The following DOCK4 variants were observed in gnomAD, a reference collection of about 807,000 sequenced individuals.
The protein encoded by DOCK4 is dedicator of cytokinesis protein 4.
In DOCK4, 97 loss-of-function variants were observed where a neutral mutation model predicts 268.1. The ratio of observed to expected loss-of-function variants is 0.36; its 90% CI spans 0.31 to 0.43. The LOEUF is 0.43. Ranked by LOEUF, DOCK4 falls within the 20% of genes least tolerant of loss-of-function variation. The probability of loss-of-function intolerance (pLI) is 1.00; values close to 1 mark genes in which losing one functional copy is unlikely to be tolerated. For missense variants in DOCK4, 2,145 were observed against 2,455.7 expected (o/e 0.87, Z 2.67); for synonymous variants, 954 against 887.2 (o/e 1.08, Z -1.34).
intron 52 of DOCK4, 99 bp from the exon 53 acceptor site, chr7:111,728,819 G>T: frequency 2.4e-6 from 3 of 1,226,144 alleles, no homozygotes; most frequent in Non-Finnish European, 3.3e-6. Flanking sequence ...CCGGCCCCCA[G>T]CACCCCCAAA....
intron 1 of DOCK4, among the ~76,000 whole-genome samples, chr7:112,048,522 C>T (rs1051009430): frequency 4.0e-5 from 6 of 150,630 alleles, no homozygotes; most frequent in South Asian, 2.1e-4. Flanking sequence ...AAGATCAAGC[C>T]ATTGCACTCC....
At chr7:112,060,069 T>C (rs369595997) in intron 1 of DOCK4, among the ~76,000 whole-genome samples, 5 of 152,226 alleles carry the variant, frequency 3.3e-5, no homozygotes, top group African/African-American at 4.8e-5. Context: ...ACCAAGTTCA[T>C]AGGACACACT....
intron 30 of DOCK4, among the ~76,000 whole-genome samples, chr7:111,793,190 T>C (rs1799669549): frequency 6.6e-6 from 1 of 152,188 alleles, no homozygotes; most frequent in Admixed American, 6.5e-5. Context: ...CACGGAAGGG[T>C]ACCTGTTACT....
In DOCK4 at chr7:111,987,124, A is replaced by C. The variant is rs532467688; in HGVS notation, c.464+1891T>G. ...AACGGAATCATAGCTCAGAAAATTCATGAAGTTGAAGATGATCTAAATAAA... is the reference window on the plus strand; with the variant it reads ...AACGGAATCATAGCTCAGAAAATTCCTGAAGTTGAAGATGATCTAAATAAA... On this transcript the variant is annotated intron_variant, in intron 6 of 52. Transcript: ENST00000428084. Among the ~76,000 whole-genome samples, 16 of 152,370 alleles carry C rather than the reference A, an allele frequency of 1.1e-4. No homozygotes were observed. In the South Asian group the frequency reaches 3.3e-3, roughly 32 times the overall value.
At chr7:111,926,803 C>A (rs1228685871) in intron 12 of DOCK4, among the ~76,000 whole-genome samples, 1 of 148,214 alleles carries the variant, frequency 6.7e-6, no homozygotes, top group Non-Finnish European at 1.5e-5. Context: ...CACTGCACTC[C>A]AGCCTGGCGA....
chr7:111,896,928 T>C (rs890438904), intron 15 of DOCK4, among the ~76,000 whole-genome samples: 2 of 152,154 alleles, frequency 1.3e-5, no homozygotes, highest in African/African-American at 4.8e-5. Context: ...ATAATTCATG[T>C]TTTTTAAAAA....
chr7:111,836,202 CTTT>C (rs531222718), intron 25 of DOCK4, among the ~76,000 whole-genome samples: 1 of 138,628 alleles, frequency 7.2e-6, no homozygotes. Context: ...ATAATAGAGC[CTTT>C]TTTTTTTTTT....
At chr7:111,746,814 CTTTTTTTTT>C (rs59197701) in intron 43 of DOCK4, among the ~76,000 whole-genome samples, 8 of 110,912 alleles carry the variant, frequency 7.2e-5, no homozygotes, top group African/African-American at 1.1e-4. Flanking sequence ...TCGGTCTTAT[CTTTTTTTTT>C]TTTTTTTTTT....
chr7:112,013,438 A>G (rs986985447), intron 1 of DOCK4, among the ~76,000 whole-genome samples: 1 of 152,222 alleles, frequency 6.6e-6, no homozygotes, highest in African/African-American at 2.4e-5. Flanking sequence ...GAGCCAGTGA[A>G]CAGTTCAACG....
chr7:112,118,880 A>G (rs1812434689), intron 1 of DOCK4, among the ~76,000 whole-genome samples: 1 of 152,120 alleles, frequency 6.6e-6, no homozygotes, highest in Non-Finnish European at 1.5e-5. Flanking sequence ...AACCACCCAG[A>G]AGACTCAAAA....
intron 36 of DOCK4, among the ~76,000 whole-genome samples, chr7:111,773,488 T>C (rs991745789): frequency 6.6e-6 from 1 of 152,236 alleles, no homozygotes; most frequent in Non-Finnish European, 1.5e-5. Context: ...GTTATATATC[T>C]GGAGTAGCTT....
At chr7:111,751,294 A>G (rs886389414) in intron 42 of DOCK4, among the ~76,000 whole-genome samples, 1 of 152,234 alleles carries the variant, frequency 6.6e-6, no homozygotes, top group Admixed American at 6.5e-5. Flanking sequence ...ACATTTCAGG[A>G]TAAACAGTCT....
At chr7:112,194,878 G>T (rs887827005) in intron 1 of DOCK4, among the ~76,000 whole-genome samples, 1 of 151,968 alleles carries the variant, frequency 6.6e-6, no homozygotes, top group Non-Finnish European at 1.5e-5. Context: ...CCTAACCTGG[G>T]GCAAAGAACA....
intron 30 of DOCK4, chr7:111,808,271 A>T (rs1237057745): frequency 6.6e-6 from 1 of 152,480 alleles, no homozygotes; most frequent in African/African-American, 2.4e-5. Context: ...GATCTGTACC[A>T]TCAATTTTCT....
chr7:111,977,689 A>C (rs1428378872), intron 7 of DOCK4, among the ~76,000 whole-genome samples: 1 of 152,222 alleles, frequency 6.6e-6, no homozygotes, highest in Admixed American at 6.5e-5. Flanking sequence ...GATGAGAACA[A>C]ATTATTAGTC....
chr7:111,840,079 T>C (rs947577473), intron 25 of DOCK4, among the ~76,000 whole-genome samples: 1 of 152,208 alleles, frequency 6.6e-6, no homozygotes, highest in African/African-American at 2.4e-5. Context: ...ATAAATCACC[T>C]TGAAAACTCT....
chr7:112,099,073 T>G (rs1014921394), intron 1 of DOCK4, among the ~76,000 whole-genome samples: 1 of 151,994 alleles, frequency 6.6e-6, no homozygotes, highest in Admixed American at 6.6e-5. Flanking sequence ...GCGGATGGCT[T>G]GAGCCCAGGA....
At chr7:112,042,041 C>T (rs1804417507) in intron 1 of DOCK4, among the ~76,000 whole-genome samples, 2 of 152,124 alleles carry the variant, frequency 1.3e-5, no homozygotes. Flanking sequence ...AAGAGGACTG[C>T]TGGAGGCAAG....
intron 20 of DOCK4, 136 bp from the exon 21 acceptor site, chr7:111,869,791 G>A (rs1485094524): frequency 1.5e-6 from 1 of 688,336 alleles, no homozygotes; most frequent in African/African-American, 1.8e-5. Flanking sequence ...TCAATCTGCT[G>A]TATAATAATT....
Sources: allele counts gnomAD v4.1 joint callset (sites outside exome capture counted in the v4.1 genomes callset), GRCh38; gene constraint gnomAD v4.1.1; transcripts MANE v1.5; gene names NCBI Gene and HGNC (gene_info 2026-07-23, HGNC 2026-07-21).